The following SND1 variants were observed in gnomAD, a reference collection of about 807,000 sequenced individuals.
The protein encoded by SND1 is staphylococcal nuclease and tudor domain containing 1, also known as staphylococcal nuclease domain-containing protein 1.
In SND1, 38 loss-of-function variants were observed where a neutral mutation model predicts 121.7. The ratio of observed to expected loss-of-function variants is 0.31; its 90% CI spans 0.24 to 0.41. SND1 has a LOEUF of 0.41. Among genes scored for constraint, SND1 ranks in the 10% least tolerant of loss-of-function variants. The pLI is 1.00. For missense variants in SND1, 868 were observed against 1,184.6 expected, an observed-to-expected ratio of 0.73 and a Z score of 3.92; for synonymous variants, 401 against 447.4, an observed-to-expected ratio of 0.90 and a Z score of 1.31.
At chr7:127,935,239 G>A (rs911767405) in intron 15 of SND1, among the ~76,000 whole-genome samples, 1 of 152,202 alleles carries the variant, frequency 6.6e-6, no homozygotes, top group African/African-American at 2.4e-5. Context: ...TGGAAAAGTA[G>A]TGCAGAAAGT....
chr7:127,875,781 T>C (rs1370384018), intron 12 of SND1, among the ~76,000 whole-genome samples: 1 of 152,178 alleles, frequency 6.6e-6, no homozygotes, highest in Non-Finnish European at 1.5e-5. Flanking sequence ...GTCTGAAATA[T>C]TCTTTTGAGT....
At chr7:127,849,339 A>G (rs1157361506) in intron 12 of SND1, among the ~76,000 whole-genome samples, 1 of 152,200 alleles carries the variant, frequency 6.6e-6, no homozygotes, top group Non-Finnish European at 1.5e-5. Flanking sequence ...GGACTTCCCA[A>G]TTACTTTGAG....
chr7:128,006,536 G>A lies in SND1; in HGVS notation c.1779+15480G>A, dbSNP rs566408474. 3.3e-4 allele frequency among the ~76,000 whole-genome samples: 51 copies of A among 152,348 alleles called. No individual in the cohort carries two copies. The South Asian group carries it at 8.9e-3, about 27-fold the overall frequency. ...GAGGACCAGGGTTCTTTGAATCCCA[G>A]GACTCTTAAGAGGGAAGTTGGCACT... On this transcript the variant is annotated intron_variant, in intron 16 of 23. Coordinates refer to ENST00000354725, the MANE Select transcript of SND1 (RefSeq NM_014390.4).
chr7:127,918,172 C>T (rs1372467186), intron 14 of SND1, among the ~76,000 whole-genome samples: 1 of 151,124 alleles, frequency 6.6e-6, no homozygotes, highest in African/African-American at 2.4e-5. Context: ...TCAAGTGATT[C>T]TCATGTCTCC....
At chr7:127,943,996 G>A (rs1028485793) in intron 15 of SND1, among the ~76,000 whole-genome samples, 6 of 152,220 alleles carry the variant, frequency 3.9e-5, no homozygotes, top group Admixed American at 3.3e-4. Context: ...CAGCTGCCAA[G>A]CCATCCAGCC....
chr7:128,081,305 CTT>C, intron 17 of SND1, 53 bp from the exon 18 acceptor site: 1 of 1,607,892 alleles, frequency 6.2e-7, no homozygotes, highest in Non-Finnish European at 8.5e-7. Context: ...CTCCCAGTGT[CTT>C]TTATGACTTC....
chr7:127,971,771 ATTT>A (rs200086577), intron 15 of SND1, among the ~76,000 whole-genome samples: 4 of 141,064 alleles, frequency 2.8e-5, no homozygotes, highest in Non-Finnish European at 1.6e-5. Flanking sequence ...TGCTGAATTA[ATTT>A]TTTTTTTTTT....
intron 15 of SND1, among the ~76,000 whole-genome samples, chr7:127,959,215 C>G (rs1801671341): frequency 6.6e-6 from 1 of 152,180 alleles, no homozygotes; most frequent in Non-Finnish European, 1.5e-5. Flanking sequence ...TAAACAATAG[C>G]TAGACGTCCG....
chr7:127,858,637 T>C (rs916684344), intron 12 of SND1: 4 of 277,036 alleles, frequency 1.4e-5, no homozygotes, highest in African/African-American at 8.8e-5. Context: ...CCTGCTCCTG[T>C]GATGCCAGCT....
At chr7:127,772,586 T>TC (rs1192727327) in intron 10 of SND1, among the ~76,000 whole-genome samples, 1 of 152,186 alleles carries the variant, frequency 6.6e-6, no homozygotes, top group Non-Finnish European at 1.5e-5. Context: ...CAAAAAATAT[T>TC]CCCCCAATAT....
chr7:127,742,175 T>C (rs1483446947), intron 10 of SND1, among the ~76,000 whole-genome samples: 1 of 152,216 alleles, frequency 6.6e-6, no homozygotes, highest in Non-Finnish European at 1.5e-5. Flanking sequence ...TGTGAAAGTC[T>C]GCATGAACAC....
intron 14 of SND1, among the ~76,000 whole-genome samples, chr7:127,913,853 A>T (rs1800511382): frequency 6.6e-6 from 1 of 152,218 alleles, no homozygotes; most frequent in African/African-American, 2.4e-5. Flanking sequence ...TAAACATTTC[A>T]AAGTAAGTAA....
chr7:128,024,424 T>C (rs1803429456), intron 16 of SND1, among the ~76,000 whole-genome samples: 1 of 152,216 alleles, frequency 6.6e-6, no homozygotes, highest in African/African-American at 2.4e-5. Context: ...CCCTGCTGCT[T>C]TGTTGCAGTG....
intron 15 of SND1, among the ~76,000 whole-genome samples, chr7:127,990,313 C>T (rs1175308525): frequency 6.6e-6 from 1 of 152,098 alleles, no homozygotes; most frequent in African/African-American, 2.4e-5. Flanking sequence ...AACTGGGTTT[C>T]TTTGGCTCCA....
At chr7:127,862,431 CTCTT>C (rs1194479032) in intron 12 of SND1, among the ~76,000 whole-genome samples, 1 of 152,190 alleles carries the variant, frequency 6.6e-6, no homozygotes, top group Non-Finnish European at 1.5e-5. Flanking sequence ...TACCCATTCT[CTCTT>C]TCCCCTGTAA....
chr7:127,760,380 T>C (rs1306573097), intron 10 of SND1, among the ~76,000 whole-genome samples: 1 of 152,216 alleles, frequency 6.6e-6, no homozygotes, highest in Admixed American at 6.5e-5. Flanking sequence ...ACCATAATGA[T>C]GACTTTTCAG....
intron 10 of SND1, among the ~76,000 whole-genome samples, chr7:127,726,950 C>T (rs1419687401): frequency 1.3e-5 from 2 of 152,168 alleles, no homozygotes; most frequent in Admixed American, 6.5e-5. Context: ...CCACTGCCAG[C>T]GCTCCCACTT....
At chr7:128,088,303 TAGCTGGGTGTGGTGGCAC>T (rs1320934373) in intron 21 of SND1, among the ~76,000 whole-genome samples, 3 of 109,122 alleles carry the variant, frequency 2.7e-5, no homozygotes, top group African/African-American at 1.1e-4. Flanking sequence ...AAAAAAAAAA[TAGCTGGGTGTGGTGGCAC>T]ACGCCTGTAC....
At chr7:128,008,385 G>A (rs911942417) in intron 16 of SND1, among the ~76,000 whole-genome samples, 2 of 151,944 alleles carry the variant, frequency 1.3e-5, no homozygotes, top group Admixed American at 6.6e-5. Flanking sequence ...CTGTCTATTC[G>A]TGCCAAATCC....
Sources: allele counts gnomAD v4.1 joint callset (sites outside exome capture counted in the v4.1 genomes callset), GRCh38; gene constraint gnomAD v4.1.1; transcripts MANE v1.5; gene names NCBI Gene and HGNC (gene_info 2026-07-23, HGNC 2026-07-21).